The following RILPL2 variants were observed in gnomAD, a reference collection of about 807,000 sequenced individuals.
RILPL2 encodes the protein Rab interacting lysosomal protein like 2.
RILPL2 carries 19 observed loss-of-function variants against 22.2 expected under a neutral mutation model. The ratio of observed to expected loss-of-function variants is 0.86; its 90% CI spans 0.60 to 1.25. The LOEUF is 1.25. RILPL2 is among the 50% of genes most tolerant of loss of function. The pLI is 0.00. For missense variants in RILPL2, 243 were observed against 263.6 expected (o/e 0.92, Z 0.54); for synonymous variants, 123 against 111.6 (o/e 1.10, Z -0.64).
intron 3 of RILPL2, among the ~76,000 whole-genome samples, chr12:123,422,398 C>A (rs186866128): frequency 1.3e-5 from 2 of 152,238 alleles, no homozygotes; most frequent in Admixed American, 1.3e-4. Flanking sequence ...TGCCTGTAAT[C>A]CCAGCTACTC....
At chr12:123,419,870 T>C (rs1879228633) in intron 3 of RILPL2, among the ~76,000 whole-genome samples, 1 of 151,872 alleles carries the variant, frequency 6.6e-6, no homozygotes, top group Admixed American at 6.6e-5. Flanking sequence ...CTTGGCTCAC[T>C]GCAACCTCTG....
chr12:123,412,284 G>A (rs1878995460), downstream of RILPL2: 1 of 152,312 alleles, frequency 6.6e-6, no homozygotes, highest in African/African-American at 2.4e-5. Flanking sequence ...TGGGACTACA[G>A]GTGCTCACCA....
chr12:123,413,976 G>A (rs1879046511), downstream of RILPL2: 2 of 152,432 alleles, frequency 1.3e-5, no homozygotes, highest in African/African-American at 4.8e-5. Context: ...GTGCCGATTG[G>A]TGTATTTACA....
intron 2 of RILPL2, among the ~76,000 whole-genome samples, chr12:123,428,962 G>A (rs1216325298): frequency 6.6e-6 from 1 of 152,084 alleles, no homozygotes; most frequent in Non-Finnish European, 1.5e-5. Context: ...GTGTTTCCCA[G>A]AATTATTTGA....
intron 3 of RILPL2, among the ~76,000 whole-genome samples, chr12:123,416,615 G>C (rs28370565): frequency 0.024 from 3,611 of 152,292 alleles, 147 homozygotes; most frequent in African/African-American, 0.081. Context: ...ACTCCAGCCT[G>C]GGTGACAGAT....
Position 123,415,270 on chromosome 12 carries a change from A to G in RILPL2, c.*621T>C, listed in dbSNP as rs1032495452. Reference sequence around the variant, plus strand: ...TCATAGTGACACCAGATAATCGTGCATCGCTTAGACTGAATGAATGCAATT... The same window carrying G: ...TCATAGTGACACCAGATAATCGTGCGTCGCTTAGACTGAATGAATGCAATT... On this transcript the variant is annotated 3_prime_UTR_variant, in exon 4 of 4. Coordinates refer to ENST00000280571, the MANE Select transcript of RILPL2 (RefSeq NM_145058.3). 3 of 152,682 alleles carry G rather than the reference A, an allele frequency of 2.0e-5. No individual in the cohort carries two copies. Among genetic ancestry groups the G allele is most frequent in the Non-Finnish European group, 2.9e-5 (2 of 68,146 alleles). The allele number at this position is 152,682 out of a possible 1,614,324, so 9.5% of individuals were successfully genotyped here.
intron 1 of RILPL2, among the ~76,000 whole-genome samples, chr12:123,433,563 C>T (rs1034126925): frequency 9.9e-5 from 15 of 152,132 alleles, no homozygotes; most frequent in African/African-American, 3.6e-4. Flanking sequence ...CAAGCGTGTG[C>T]CAGCAGGTCC....
At chr12:123,429,766 C>A in intron 2 of RILPL2, among the ~76,000 whole-genome samples, 1 of 151,526 alleles carries the variant, frequency 6.6e-6, no homozygotes, top group Admixed American at 6.6e-5. Context: ...GCCACCATGC[C>A]CAGCTAATTT....
Position 123,430,505 on chromosome 12 carries a change from C to A in RILPL2, c.491+3G>T, listed in dbSNP as rs778642095. On this transcript the variant is annotated splice_donor_region_variant and intron_variant, in intron 2 of 3. Coordinates refer to ENST00000280571, the MANE Select transcript of RILPL2 (RefSeq NM_145058.3). The stretch of plus-strand genomic sequence containing the variant: ...GCAGGACCCTCCAGGCAGTGGAGCC[C>A]ACCTCTTGTAGCACTGCAGCTCTTC... 6.2e-7 allele frequency: 1 copy of A among 1,602,754 alleles called. No homozygotes were observed. Among genetic ancestry groups the A allele is most frequent in the Non-Finnish European group, 8.5e-7 (1 of 1,173,520 alleles).
At chr12:123,419,014 G>C (rs190276076) in intron 3 of RILPL2, among the ~76,000 whole-genome samples, 1,882 of 141,534 alleles carry the variant, frequency 0.013, 16 homozygotes, top group South Asian at 0.05. Flanking sequence ...ACTGCGCCCG[G>C]CTTTTTTTTT....
chr12:123,433,015 C>T lies in RILPL2; in HGVS notation c.340-2356G>A, dbSNP rs1475387748. ...AGAAGAAGAAGAAGAAGAAAGTTAC[C>T]AGGGAAGCTACAGGGAAACTTCATA... is the stretch of plus-strand genomic sequence containing the variant. On this transcript the variant is annotated intron_variant, in intron 1 of 3. Transcript: ENST00000280571. Among the ~76,000 whole-genome samples the T allele has an allele frequency of 2.0e-5, 3 of 151,688 alleles. No individual in the cohort carries two copies. The East Asian group carries it at 5.8e-4, about 29-fold the overall frequency.
chr12:123,436,016 T>C lies in RILPL2; in HGVS notation c.339+66A>G. ...AGAAAAGAAAAGGAAGGCGTCTCCC[T>C]GCCAGTAGGTGCCCTCCTACGCCCC... is the stretch of plus-strand genomic sequence containing the variant. On this transcript the variant is annotated intron_variant, in intron 1 of 3. Transcript: ENST00000280571. This position sits in a 1 kb window ranked among gnomAD's most constrained non-coding sequence, Gnocchi z 6.7. 1 of 1,503,576 alleles carries C rather than the reference T, an allele frequency of 6.7e-7. No individual in the cohort carries two copies. Among genetic ancestry groups the C allele is most frequent in the East Asian group, 2.5e-5 (1 of 40,496 alleles). The allele number at this position is 1,503,576 out of a possible 1,614,324, so 93.1% of individuals were successfully genotyped here. A position where few individuals can be genotyped will look rare whatever the true frequency, so the allele number is the denominator to read the frequency against.
Position 123,416,485 on chromosome 12 carries a change from A to G in RILPL2, c.606-564T>C, listed in dbSNP as rs570249658. Among the ~76,000 whole-genome samples the G allele has an allele frequency of 1.4e-4, 22 of 151,870 alleles. 1 individual carries two copies. In the South Asian group the frequency reaches 4.4e-3, roughly 30 times the overall value. On this transcript the variant is annotated intron_variant, in intron 3 of 3. Transcript: ENST00000280571. ...AAACCCCGTCTCTACTAAAAATACA[A>G]AAAATTAGCCGGGTGTGGTGGCGGG...
intron 2 of RILPL2, among the ~76,000 whole-genome samples, chr12:123,427,817 T>C (rs1207551042): frequency 6.6e-6 from 1 of 152,160 alleles, no homozygotes; most frequent in Non-Finnish European, 1.5e-5. Context: ...AGTGCTGGGA[T>C]TACAGGTGTG....
At chr12:123,423,617 A>G (rs1879351073) in intron 2 of RILPL2, among the ~76,000 whole-genome samples, 1 of 151,514 alleles carries the variant, frequency 6.6e-6, no homozygotes, top group Non-Finnish European at 1.5e-5. Flanking sequence ...TCTGTTTAAA[A>G]TTAGAATCTT....
chr12:123,430,205 C>T lies in RILPL2; in HGVS notation c.491+303G>A, dbSNP rs560102485. Among the ~76,000 whole-genome samples, 49 of 146,864 alleles carry T rather than the reference C, an allele frequency of 3.3e-4. No individual in the cohort carries two copies. In the South Asian group the frequency reaches 5.7e-3, roughly 17 times the overall value. On this transcript the variant is annotated intron_variant, in intron 2 of 3. Transcript: ENST00000280571. ...TGGGCAGATCAGGAGGTCAGGAGAT[C>T]GAGACCATTCTGCCTAACACGGTGA... is the stretch of plus-strand genomic sequence containing the variant.
chr12:123,420,697 G>A (rs375409671), intron 3 of RILPL2, among the ~76,000 whole-genome samples: 12 of 151,266 alleles, frequency 7.9e-5, no homozygotes, highest in South Asian at 2.1e-4. Flanking sequence ...TCAGCCTCCC[G>A]AAGTGCTGGG....
chr12:123,425,001 T>C (rs1257260140), intron 2 of RILPL2, among the ~76,000 whole-genome samples: 35 of 152,026 alleles, frequency 2.3e-4, no homozygotes, highest in African/African-American at 8.2e-4. Context: ...TGCCTCAGCC[T>C]CTCAAGTAGC....
At chr12:123,425,859 C>T (rs903210899) in intron 2 of RILPL2, among the ~76,000 whole-genome samples, 1 of 151,954 alleles carries the variant, frequency 6.6e-6, no homozygotes, top group Non-Finnish European at 1.5e-5. Flanking sequence ...ACCATGTTGG[C>T]CAGACTGGTC....
Sources: gnomAD v4.1 joint callset for allele counts (sites outside exome capture counted in the v4.1 genomes callset) on GRCh38, gnomAD v4.1.1 for gene constraint, Gnocchi (gnomAD v3.1) non-coding constraint, MANE v1.5 for transcripts, NCBI Gene and HGNC (gene_info 2026-07-23, HGNC 2026-07-21) for gene names.